Variants in UBE2D1 observed in about 807,000 individuals in gnomAD.
The protein encoded by UBE2D1 is ubiquitin conjugating enzyme E2 D1.
A neutral mutation model predicts 24.6 loss-of-function variants in UBE2D1; 9 were observed. The observed-to-expected ratio is 0.37, with a 90% CI of 0.22 to 0.64. The LOEUF (loss-of-function observed/expected upper bound fraction) is 0.64. UBE2D1 is among the 30% of genes least tolerant of loss of function. The pLI, the probability that UBE2D1 is intolerant of heterozygous loss-of-function variation, is 0.64. For missense variants in UBE2D1, 87 were observed against 177.1 expected, an observed-to-expected ratio of 0.49 and a Z score of 2.89; for synonymous variants, 57 against 57.6, an observed-to-expected ratio of 0.99 and a Z score of 0.04.
In UBE2D1 at chr10:58,365,021, G is replaced by A. The variant is rs1840240044; in HGVS notation, c.304+145G>A. 1.6e-5 allele frequency: 10 copies of A among 620,040 alleles called. No individual in the cohort carries two copies. The South Asian group carries it at 1.9e-4, about 12-fold the overall frequency. 38.4% of individuals were successfully genotyped at this position (620,040 alleles called of 1,614,324 possible). A position where few individuals can be genotyped will look rare whatever the true frequency, so the allele number is the denominator to read the frequency against. ...TTTGTTTTGCTCTCTTTGCTCTTATGTTACTATGGCTTTTGGCAGTTAGCT... is the reference window on the plus strand; with the variant it reads ...TTTGTTTTGCTCTCTTTGCTCTTATATTACTATGGCTTTTGGCAGTTAGCT... On this transcript the variant is annotated intron_variant, in intron 5 of 6. Transcript: ENST00000373910.
At chr10:58,361,441 A>G (rs879188415) in intron 2 of UBE2D1, 40 bp downstream of exon 2, 1 of 1,614,120 alleles carries the variant, frequency 6.2e-7, no homozygotes, top group Middle Eastern at 1.6e-4. Flanking sequence ...CTACCTTTAA[A>G]AATATAGGTT....
chr10:58,368,501 G>T (rs937176863), intron 6 of UBE2D1: 8 of 339,912 alleles, frequency 2.4e-5, no homozygotes, highest in South Asian at 9.9e-5. Context: ...TGTGTATTTG[G>T]ATACATTTTC....
Position 58,370,201 on chromosome 10 carries a change from G to A in UBE2D1, c.*1436G>A, listed in dbSNP as rs1248821851. On this transcript the variant is annotated 3_prime_UTR_variant, in exon 7 of 7. Transcript: ENST00000373910. ...TAGAAAGTTTTAATGTTTTAACTTGGGGAAAAATACATCTCTTTAATGTTT... is the reference window on the plus strand; with the variant it reads ...TAGAAAGTTTTAATGTTTTAACTTGAGGAAAAATACATCTCTTTAATGTTT... 6.6e-6 allele frequency: 1 copy of A among 151,924 alleles called. No homozygotes were observed. The highest frequency in any genetic ancestry group is 2.4e-5 in the African/African-American group (1 of 41,386). The allele number at this position is 151,924 out of a possible 1,614,324, so 9.4% of individuals were successfully genotyped here.
chr10:58,361,442 A>T (rs768103722), intron 2 of UBE2D1, 41 bp downstream of exon 2: 5 of 1,614,140 alleles, frequency 3.1e-6, no homozygotes, highest in Non-Finnish European at 4.2e-6. Context: ...TACCTTTAAA[A>T]ATATAGGTTT....
intron 1 of UBE2D1, among the ~76,000 whole-genome samples, chr10:58,335,587 CTG>C (rs1456752031): frequency 6.6e-6 from 1 of 152,260 alleles, no homozygotes; most frequent in African/African-American, 2.4e-5. Flanking sequence ...CCCTGTCATG[CTG>C]TGTTTTCTCC....
At chr10:58,351,738 T>G (rs1293118898) in intron 1 of UBE2D1, among the ~76,000 whole-genome samples, 1 of 152,226 alleles carries the variant, frequency 6.6e-6, no homozygotes, top group Non-Finnish European at 1.5e-5. Flanking sequence ...GGATTATCAC[T>G]GTCATTTATT....
At chr10:58,338,451 G>C (rs1839926718) in intron 1 of UBE2D1, among the ~76,000 whole-genome samples, 1 of 151,852 alleles carries the variant, frequency 6.6e-6, no homozygotes, top group Non-Finnish European at 1.5e-5. Flanking sequence ...ATCATTAAAA[G>C]AAAAAAAGTT....
intron 5 of UBE2D1, among the ~76,000 whole-genome samples, chr10:58,365,775 G>A (rs758841800): frequency 1.4e-4 from 22 of 152,132 alleles, no homozygotes; most frequent in Admixed American, 8.5e-4. Context: ...CAAGTTTTCC[G>A]TTTTTATAAA....
At chr10:58,339,110 G>C (rs1839934279) in intron 1 of UBE2D1, among the ~76,000 whole-genome samples, 1 of 151,810 alleles carries the variant, frequency 6.6e-6, no homozygotes, top group African/African-American at 2.4e-5. Flanking sequence ...GGAGGTCTGA[G>C]TTTTTTTTGT....
intron 1 of UBE2D1, among the ~76,000 whole-genome samples, chr10:58,337,995 T>C (rs957489920): frequency 6.6e-6 from 1 of 151,990 alleles, no homozygotes; most frequent in African/African-American, 2.4e-5. Flanking sequence ...TACAGGCGCA[T>C]GCTGCCATGC....
chr10:58,337,969 C>T (rs1839920474), intron 1 of UBE2D1, among the ~76,000 whole-genome samples: 1 of 152,048 alleles, frequency 6.6e-6, no homozygotes, highest in African/African-American at 2.4e-5. Flanking sequence ...GCCTCAGCCT[C>T]CTGAGTAGCT....
At position 58,335,036 on chromosome 10, in the gene UBE2D1, A is replaced by G. The variant is rs1321703173; in HGVS notation, c.-166A>G. 4 of 645,428 alleles carry G rather than the reference A, an allele frequency of 6.2e-6. No homozygotes were observed. The highest frequency in any genetic ancestry group is 7.5e-6 in the Non-Finnish European group (3 of 397,430). The allele number at this position is 645,428 out of a possible 1,614,324, so 40.0% of individuals were successfully genotyped here. A position where few individuals can be genotyped will look rare whatever the true frequency, so the allele number is the denominator to read the frequency against. On this transcript the variant is annotated 5_prime_UTR_variant, in exon 1 of 7. Transcript: ENST00000373910. The stretch of plus-strand genomic sequence containing the variant: ...CTCGCGCACACTCGCGCTCGGGCGC[A>G]CACGGAGCAGGGACCGGCGCCCGGA...
chr10:58,367,288 A>G (rs1228353319), intron 5 of UBE2D1, among the ~76,000 whole-genome samples: 1 of 149,068 alleles, frequency 6.7e-6, no homozygotes, highest in Admixed American at 6.6e-5. Flanking sequence ...CTTATTTCAG[A>G]TACTTAGATC....
In UBE2D1 at chr10:58,359,013, TA is replaced by T. The variant is rs35713196; in HGVS notation, c.25-2306del. Among the ~76,000 whole-genome samples the T allele has an allele frequency of 8.9e-3, 1,024 of 115,146 alleles. 11 individuals are homozygous for T. The highest frequency in any genetic ancestry group is 0.025 in the African/African-American group (735 of 29,498). 75.5% of individuals were successfully genotyped at this position (115,146 alleles called of 152,430 possible). A position where few individuals can be genotyped will look rare whatever the true frequency, so the allele number is the denominator to read the frequency against. On this transcript the variant is annotated intron_variant, in intron 1 of 6. Coordinates refer to ENST00000373910, the MANE Select transcript of UBE2D1 (RefSeq NM_003338.5). ...AGGAAGAGAAACCGCACCAGCTATT[TA>T]AAAAAAAAAAAAAAAAAAGCAAAAC...
rs903988038 is a variant in UBE2D1 at position 58,342,344 on chromosome 10, G to GT, written c.24+7127dup. Among the ~76,000 whole-genome samples the GT allele has an allele frequency of 1.3e-4, 19 of 151,824 alleles. No homozygotes were observed. In the East Asian group the frequency reaches 2.1e-3, roughly 17 times the overall value. On this transcript the variant is annotated intron_variant, in intron 1 of 6. Transcript: ENST00000373910. ...CCACAGTTCTTATTTAGATTCCTGG[G>GT]TTTTTTTTCAGACTTAAGAAACTTC...
At chr10:58,344,119 T>A (rs1588997280) in intron 1 of UBE2D1, among the ~76,000 whole-genome samples, 1 of 152,360 alleles carries the variant, frequency 6.6e-6, no homozygotes, top group East Asian at 1.9e-4. Flanking sequence ...AGTATTCGTT[T>A]CTAACCTTTT....
chr10:58,337,665 G>T (rs1019171529), intron 1 of UBE2D1, among the ~76,000 whole-genome samples: 1 of 151,966 alleles, frequency 6.6e-6, no homozygotes. Context: ...AGCTTCTAAG[G>T]CAGTGTCTTA....
intron 5 of UBE2D1, among the ~76,000 whole-genome samples, chr10:58,367,634 A>G (rs1840270897): frequency 6.6e-6 from 1 of 152,142 alleles, no homozygotes; most frequent in African/African-American, 2.4e-5. Context: ...AAGGTTGTTA[A>G]TAGCTACTTT....
intron 1 of UBE2D1, among the ~76,000 whole-genome samples, chr10:58,351,258 C>G (rs889006404): frequency 7.9e-5 from 12 of 152,094 alleles, no homozygotes; most frequent in African/African-American, 2.9e-4. Context: ...CTTACTGTAA[C>G]TCTTTGTTTA....
Sources: gnomAD v4.1 joint callset for allele counts (sites outside exome capture counted in the v4.1 genomes callset) on GRCh38, gnomAD v4.1.1 for gene constraint, MANE v1.5 for transcripts, NCBI Gene and HGNC (gene_info 2026-07-23, HGNC 2026-07-21) for gene names.